EPHA5: variants seen among roughly 807,000 people sequenced by gnomAD.
The protein encoded by EPHA5 is EPH receptor A5.
In EPHA5, 60 loss-of-function variants were observed where a neutral mutation model predicts 105.0. The observed-to-expected ratio is 0.57, with a 90% CI of 0.46 to 0.71. The LOEUF (loss-of-function observed/expected upper bound fraction) is 0.71, where lower values mean the gene tolerates loss of function less well. Ranked by LOEUF, EPHA5 falls within the 30% of genes least tolerant of loss-of-function variation. The pLI, the probability that EPHA5 is intolerant of heterozygous loss-of-function variation, is 0.00. For synonymous variants in EPHA5, 513 were observed against 449.1 expected (o/e 1.14, Z -1.80); for missense variants, 1,218 against 1,274.7 (o/e 0.96, Z 0.68).
intron 3 of EPHA5, among the ~76,000 whole-genome samples, chr4:65,536,081 A>C (rs186045190): frequency 6.6e-6 from 1 of 152,138 alleles, no homozygotes; most frequent in East Asian, 1.9e-4. Context: ...TCATGTTTTT[A>C]ACATACTTTA....
Position 65,336,010 on chromosome 4 carries a change from A to C in EPHA5, c.2711T>G (p.Phe904Cys), listed in dbSNP as rs780877087. ...WQKERNSRPKFDEIVNMLDKL... is the reference protein window; with the variant it reads ...WQKERNSRPKCDEIVNMLDKL... ...GTCCAACATGTTGACTATTTCATCA[A>C]ACTTGGGCCTGCTATTTCGCTCTTT... The change falls in exon 15 of 17, where the codon TTT becomes TGT. Residue 904 changes from phenylalanine (F) to cysteine (C), a missense_variant. Phe to Cys is a radical substitution (Grantham distance 205). Around this residue, in one of 3 missense-constraint regions of EPHA5, gnomAD observed 971 missense variants for 1,013.5 expected, o/e 0.96. Coordinates refer to ENST00000613740, the MANE Select transcript of EPHA5 (RefSeq NM_001281766.3). The C allele has an allele frequency of 1.2e-6, 2 of 1,613,336 alleles. No homozygotes were observed. The highest frequency in any genetic ancestry group is 1.7e-6 in the Non-Finnish European group (2 of 1,179,608).
At chr4:65,449,728 G>T (rs1330610727) in intron 5 of EPHA5, among the ~76,000 whole-genome samples, 1 of 152,070 alleles carries the variant, frequency 6.6e-6, no homozygotes, top group East Asian at 1.9e-4. Flanking sequence ...ATTAGGGTGA[G>T]CCCTACTCTG....
chr4:65,420,628 GT>G, intron 5 of EPHA5, 63 bp from the exon 6 acceptor site: 1 of 1,475,832 alleles, frequency 6.8e-7, no homozygotes, highest in Non-Finnish European at 9.2e-7. Context: ...AACCTGTTAT[GT>G]TTATTACGTA....
At chr4:65,610,102 G>A (rs976669395) in intron 2 of EPHA5, among the ~76,000 whole-genome samples, 1 of 151,804 alleles carries the variant, frequency 6.6e-6, no homozygotes, top group African/African-American at 2.4e-5. Context: ...CCCATCAACA[G>A]CGAACAGGAT....
At position 65,490,491 on chromosome 4, in the gene EPHA5, C is replaced by T. The variant is rs745565792; in HGVS notation, c.1288G>A (p.Asp430Asn). The T allele has an allele frequency of 5.0e-6, 8 of 1,614,102 alleles. No homozygotes were observed. The East Asian group carries it at 1.8e-4, about 36-fold the overall frequency. ...GTATAGTTTGTGTGAGCGAGTAGAT[C>T]CACCATCATGACAGAGGTGTTTTTC... ...GLKNTSVMMVDLLAHTNYTFE... is the reference protein window; with the variant it reads ...GLKNTSVMMVNLLAHTNYTFE... The change falls in exon 5 of 17, where the codon GAT (aspartate) becomes AAT (asparagine). Residue 430 changes from aspartate (D) to asparagine (N), a missense_variant. Asp to Asn is a conservative substitution (Grantham distance 23). Transcript: ENST00000613740.
intron 14 of EPHA5, among the ~76,000 whole-genome samples, chr4:65,340,803 A>G (rs1451972416): frequency 1.3e-5 from 2 of 152,088 alleles, no homozygotes; most frequent in Admixed American, 1.3e-4. Flanking sequence ...AGGCTCTTCA[A>G]CTGCAGAGAT....
intron 8 of EPHA5, among the ~76,000 whole-genome samples, chr4:65,399,935 G>C (rs909037641): frequency 6.6e-6 from 1 of 152,052 alleles, no homozygotes; most frequent in African/African-American, 2.4e-5. Flanking sequence ...ACTAAATCTT[G>C]TTACTTTAAG....
intron 3 of EPHA5, among the ~76,000 whole-genome samples, chr4:65,588,191 A>C (rs903302086): frequency 5.3e-5 from 8 of 152,126 alleles, no homozygotes; most frequent in Non-Finnish European, 1.2e-4. Context: ...ATTTAACAGT[A>C]CAGACACATA....
intron 2 of EPHA5, among the ~76,000 whole-genome samples, chr4:65,641,900 C>G (rs2149512254): frequency 6.6e-6 from 1 of 152,110 alleles, no homozygotes; most frequent in African/African-American, 2.4e-5. Flanking sequence ...ACTCCCAATA[C>G]AGAAGGATTA....
At chr4:65,333,978 A>G (rs549491092) in intron 15 of EPHA5, among the ~76,000 whole-genome samples, 1 of 151,836 alleles carries the variant, frequency 6.6e-6, no homozygotes, top group East Asian at 2.0e-4. Flanking sequence ...TTCAACTTCC[A>G]ATATATTGTA....
chr4:65,503,146 A>G (rs1224139791), intron 3 of EPHA5, among the ~76,000 whole-genome samples: 2 of 151,746 alleles, frequency 1.3e-5, no homozygotes, highest in Non-Finnish European at 2.9e-5. Flanking sequence ...TGAGTCAGGG[A>G]TGAAAAGCTA....
intron 5 of EPHA5, among the ~76,000 whole-genome samples, chr4:65,447,865 G>T (rs1347113616): frequency 3.3e-5 from 5 of 151,636 alleles, no homozygotes; most frequent in Non-Finnish European, 5.9e-5. Context: ...AGAGGGAAAA[G>T]ACATGAAAGA....
intron 5 of EPHA5, among the ~76,000 whole-genome samples, chr4:65,482,861 T>C (rs942210044): frequency 7.3e-3 from 5 of 686 alleles, no homozygotes; most frequent in Non-Finnish European, 0.047. Flanking sequence ...TTAGAGGATC[T>C]TTTTTTTTTA....
chr4:65,544,608 G>A lies in EPHA5; in HGVS notation c.911-49065C>T, dbSNP rs1013219315. Among the ~76,000 whole-genome samples, 15 of 151,814 alleles carry A rather than the reference G, an allele frequency of 9.9e-5. No individual in the cohort carries two copies. The East Asian group carries it at 1.4e-3, about 14-fold the overall frequency. The stretch of plus-strand genomic sequence containing the variant: ...GCTGGCATGGCTATGGAGAAATAGC[G>A]ACGCTTTTACATTGTTGGCAGGAAT... On this transcript the variant is annotated intron_variant, in intron 3 of 16. Coordinates refer to ENST00000613740, the MANE Select transcript of EPHA5 (RefSeq NM_001281766.3).
At chr4:65,581,076 A>G (rs542955716) in intron 3 of EPHA5, among the ~76,000 whole-genome samples, 1 of 151,932 alleles carries the variant, frequency 6.6e-6, no homozygotes, top group Admixed American at 6.6e-5. Context: ...CAACTAGGAA[A>G]AGGTAAACCA....
At chr4:65,494,566 T>A (rs944741816) in intron 4 of EPHA5, among the ~76,000 whole-genome samples, 1 of 152,192 alleles carries the variant, frequency 6.6e-6, no homozygotes, top group African/African-American at 2.4e-5. Flanking sequence ...CACAAATGTG[T>A]TACATTCTCA....
At chr4:65,420,332 T>C (rs1578075730) in intron 6 of EPHA5, 109 bp downstream of exon 6, 10 of 1,101,614 alleles carry the variant, frequency 9.1e-6, no homozygotes, top group Non-Finnish European at 1.3e-5. Context: ...TCAATTGTCA[T>C]TGATTTACAC....
chr4:65,548,089 C>T (rs540133613), intron 3 of EPHA5, among the ~76,000 whole-genome samples: 16 of 150,882 alleles, frequency 1.1e-4, no homozygotes, highest in South Asian at 8.4e-4. Flanking sequence ...TGAATAAAAG[C>T]CAGCCCCAAA....
intron 3 of EPHA5, among the ~76,000 whole-genome samples, chr4:65,566,276 T>G (rs1054069651): frequency 6.6e-6 from 1 of 151,782 alleles, no homozygotes; most frequent in African/African-American, 2.4e-5. Context: ...AATTGCAGTG[T>G]GTAGCAAACA....
Sources: allele counts gnomAD v4.1 joint callset (sites outside exome capture counted in the v4.1 genomes callset), GRCh38; gene constraint gnomAD v4.1.1; regional missense constraint gnomAD v4.1.1; transcripts MANE v1.5; gene names NCBI Gene and HGNC (gene_info 2026-07-23, HGNC 2026-07-21).